The following MMS19 variants were observed in gnomAD, a reference collection of about 807,000 sequenced individuals.
MMS19 encodes the protein MMS19 nucleotide excision repair protein homolog.
MMS19 carries 77 observed loss-of-function variants against 129.8 expected under a neutral mutation model. That is an observed-to-expected ratio of 0.59 (90% CI 0.49 to 0.72). The LOEUF (loss-of-function observed/expected upper bound fraction) is 0.72. Among genes scored for constraint, MMS19 ranks in the 30% least tolerant of loss-of-function variants. The pLI, the probability that MMS19 is intolerant of heterozygous loss-of-function variation, is 0.00. For synonymous variants in MMS19, 491 were observed against 502.8 expected (o/e 0.98, Z 0.31); for missense variants, 1,168 against 1,266.3 (o/e 0.92, Z 1.18).
At chr10:97,481,516 A>G (rs1295611852) in intron 2 of MMS19, among the ~76,000 whole-genome samples, 1 of 152,184 alleles carries the variant, frequency 6.6e-6, no homozygotes, top group Non-Finnish European at 1.5e-5. Context: ...AATCACCACC[A>G]AGTTCCTAGA....
chr10:97,496,925 A>C (rs539839426), intron 1 of MMS19, among the ~76,000 whole-genome samples: 24 of 152,202 alleles, frequency 1.6e-4, no homozygotes, highest in Middle Eastern at 6.3e-3. Context: ...TAATGGTAGG[A>C]TAGATCCTAA....
chr10:97,474,811 G>A (rs904272090), intron 8 of MMS19, among the ~76,000 whole-genome samples: 1 of 152,166 alleles, frequency 6.6e-6, no homozygotes, highest in East Asian at 1.9e-4. Flanking sequence ...GCTGTGAACA[G>A]TGATTGTTTC....
intron 1 of MMS19, among the ~76,000 whole-genome samples, chr10:97,497,962 C>T (rs1167799222): frequency 2.0e-5 from 3 of 152,238 alleles, no homozygotes; most frequent in Non-Finnish European, 4.4e-5. Context: ...CGAGTCCCAC[C>T]TCCCCCTCCT....
At position 97,466,839 on chromosome 10, in the gene MMS19, C is replaced by G. The variant is rs372897413; in HGVS notation, c.1360G>C (p.Asp454His). Reference sequence around the variant, plus strand: ...ACAAGCTGAAGCTGGGTGCTGGGGTCTGTTAGAGCCATGAATACCAGTGAG... The same window carrying G: ...ACAAGCTGAAGCTGGGTGCTGGGGTGTGTTAGAGCCATGAATACCAGTGAG... ...LCSLVFMALT[D>H]PSTQLQLVGI... Residue 454 changes from aspartate to histidine, a missense_variant, in exon 15 of 31, where the codon GAC becomes CAC. Asp to His is a moderately conservative substitution (Grantham distance 81, BLOSUM62 -1). Coordinates refer to ENST00000438925, the MANE Select transcript of MMS19 (RefSeq NM_022362.5). The G allele has an allele frequency of 1.9e-6, 3 of 1,614,028 alleles. No homozygotes were observed. The highest frequency in any genetic ancestry group is 2.5e-6 in the Non-Finnish European group (3 of 1,179,900).
Position 97,470,243 on chromosome 10 carries a change from G to T in MMS19, c.772-40C>A, listed in dbSNP as rs367698596. ...GAAGATCTTAAGCCTGAGATGGGTG[G>T]TGTGTCAGTCACATCAAGGTCAACC... On this transcript the variant is annotated intron_variant, in intron 9 of 30. Coordinates refer to ENST00000438925, the MANE Select transcript of MMS19 (RefSeq NM_022362.5). 4 of 1,431,276 alleles carry T rather than the reference G, an allele frequency of 2.8e-6. No individual in the cohort carries two copies. In the Admixed American group the frequency reaches 5.6e-5, roughly 20 times the overall value. The allele number at this position is 1,431,276 out of a possible 1,614,324, so 88.7% of individuals were successfully genotyped here.
chr10:97,494,383 T>G (rs2039447157), intron 1 of MMS19, among the ~76,000 whole-genome samples: 1 of 152,086 alleles, frequency 6.6e-6, no homozygotes, highest in African/African-American at 2.4e-5. Flanking sequence ...CTCTTGAGAA[T>G]CTGGACTAGC....
At chr10:97,497,646 T>C (rs1454863525) in intron 1 of MMS19, among the ~76,000 whole-genome samples, 1 of 151,868 alleles carries the variant, frequency 6.6e-6, no homozygotes, top group African/African-American at 2.4e-5. Flanking sequence ...AGCAGGAAAG[T>C]GGGGGTCTGG....
intron 1 of MMS19, among the ~76,000 whole-genome samples, chr10:97,490,760 A>G (rs2038731408): frequency 6.6e-6 from 1 of 152,192 alleles, no homozygotes; most frequent in Non-Finnish European, 1.5e-5. Context: ...GTCCAATGAG[A>G]CTGAGGAAAA....
chr10:97,462,185 C>T (rs2032167687), intron 20 of MMS19, 66 bp from the exon 21 acceptor site: 11 of 1,177,084 alleles, frequency 9.3e-6, no homozygotes, highest in South Asian at 1.3e-5. Context: ...CCTCCACAGA[C>T]GTGCTTTTCA....
At chr10:97,461,784 T>G in intron 22 of MMS19, 44 bp downstream of exon 22, 1 of 1,581,258 alleles carries the variant, frequency 6.3e-7, no homozygotes, top group Non-Finnish European at 8.6e-7. Flanking sequence ...CGGAGTCACC[T>G]TGTCAAGGTT....
At position 97,466,963 on chromosome 10, in the gene MMS19, C is replaced by T. The variant is rs983490439; in HGVS notation, c.1298-62G>A. Reference sequence around the variant, plus strand: ...ACTGCATTCCATATCCCTGACTAAGCTGTGATACACAGCCAACCTGGGGTA... The same window carrying T: ...ACTGCATTCCATATCCCTGACTAAGTTGTGATACACAGCCAACCTGGGGTA... On this transcript the variant is annotated intron_variant, in intron 14 of 30. Coordinates refer to ENST00000438925, the MANE Select transcript of MMS19 (RefSeq NM_022362.5). 4.4e-6 allele frequency: 7 copies of T among 1,599,772 alleles called. No homozygotes were observed. In the East Asian group the frequency reaches 1.6e-4, roughly 36 times the overall value.
chr10:97,482,634 C>T (rs1224442242), intron 2 of MMS19, among the ~76,000 whole-genome samples: 1 of 151,518 alleles, frequency 6.6e-6, no homozygotes, highest in Non-Finnish European at 1.5e-5. Flanking sequence ...TGTAAATATA[C>T]TTTTACAAGC....
intron 19 of MMS19, 106 bp downstream of exon 19, chr10:97,463,750 CCT>C (rs2032690264): frequency 1.9e-6 from 2 of 1,026,840 alleles, no homozygotes; most frequent in African/African-American, 3.2e-5. Context: ...TGAAAATAAA[CCT>C]CTGATGGTAC....
At chr10:97,480,396 C>A (rs1291304412) in intron 3 of MMS19, 5 of 437,982 alleles carry the variant, frequency 1.1e-5, no homozygotes, top group African/African-American at 8.2e-5. Flanking sequence ...AACAAAAAAA[C>A]CAGGCTATAG....
intron 2 of MMS19, 41 bp from the exon 3 acceptor site, chr10:97,481,083 T>C (rs1034910750): frequency 1.7e-6 from 2 of 1,196,426 alleles, no homozygotes; most frequent in Admixed American, 2.0e-5. Flanking sequence ...AATTACCCAG[T>C]TCAAATGTTT....
At chr10:97,495,067 A>G (rs777165118) in intron 1 of MMS19, among the ~76,000 whole-genome samples, 68 of 152,210 alleles carry the variant, frequency 4.5e-4, no homozygotes, top group Admixed American at 8.5e-4. Context: ...TGGCTGGGTT[A>G]ATCAGGAAAC....
chr10:97,479,557 G>C (rs1341061995), intron 3 of MMS19, among the ~76,000 whole-genome samples: 1 of 152,168 alleles, frequency 6.6e-6, no homozygotes, highest in African/African-American at 2.4e-5. Context: ...TGCCCCTTGA[G>C]CCAGGTGGAT....
chr10:97,498,425 C>T, upstream of MMS19: 1 of 1,561,968 alleles, frequency 6.4e-7, no homozygotes, highest in Non-Finnish European at 8.6e-7. Flanking sequence ...TGGGCGGTGG[C>T]TCGAGACGGG....
chr10:97,474,114 C>T (rs2035297450), intron 8 of MMS19, among the ~76,000 whole-genome samples: 1 of 145,414 alleles, frequency 6.9e-6, no homozygotes, highest in Non-Finnish European at 1.5e-5. Context: ...GATGGTGCCA[C>T]TACACTCCAG....
Sources: allele counts gnomAD v4.1 joint callset (sites outside exome capture counted in the v4.1 genomes callset), GRCh38; gene constraint gnomAD v4.1.1; transcripts MANE v1.5; gene names NCBI Gene and HGNC (gene_info 2026-07-23, HGNC 2026-07-21).